The following LAMA3 variants were observed in gnomAD, a reference collection of about 807,000 sequenced individuals.
LAMA3 encodes laminin subunit alpha-3.
In LAMA3, 281 loss-of-function variants were observed where a neutral mutation model predicts 402.0. That is an observed-to-expected ratio of 0.70 (90% CI 0.63 to 0.77). The LOEUF is 0.77. Among genes scored for constraint, LAMA3 ranks in the 30% least tolerant of loss-of-function variants. The pLI is 0.00. For missense variants in LAMA3, 3,840 were observed against 4,215.5 expected (o/e 0.91, Z 2.47); for synonymous variants, 1,431 against 1,558.4 (o/e 0.92, Z 1.93).
At chr18:23,783,624 A>G (rs1478599541) in intron 11 of LAMA3, among the ~76,000 whole-genome samples, 2 of 152,234 alleles carry the variant, frequency 1.3e-5, no homozygotes, top group African/African-American at 4.8e-5. Flanking sequence ...GATATGTAGT[A>G]GGGCTGAATT....
intron 8 of LAMA3, among the ~76,000 whole-genome samples, chr18:23,773,218 A>C (rs2062239388): frequency 6.6e-6 from 1 of 152,256 alleles, no homozygotes; most frequent in African/African-American, 2.4e-5. Context: ...TGCTTCATTA[A>C]AGCAAATTCT....
intron 52 of LAMA3, among the ~76,000 whole-genome samples, chr18:23,906,062 G>T (rs2081239864): frequency 6.6e-6 from 1 of 152,074 alleles, no homozygotes; most frequent in African/African-American, 2.4e-5. Flanking sequence ...ACCATGCCGG[G>T]CCCAGATAAT....
chr18:23,713,613 G>A (rs1049994461), intron 1 of LAMA3, among the ~76,000 whole-genome samples: 3 of 152,194 alleles, frequency 2.0e-5, no homozygotes, highest in African/African-American at 7.2e-5. Context: ...AATACAACAG[G>A]CTCTTCTTGA....
At chr18:23,775,190 A>G (rs570963588) in intron 9 of LAMA3, among the ~76,000 whole-genome samples, 3 of 152,354 alleles carry the variant, frequency 2.0e-5, no homozygotes, top group Admixed American at 2.0e-4. Context: ...TGGGAGGTCG[A>G]CAATCTTCTT....
At chr18:23,762,250 G>A (rs986052975) in intron 7 of LAMA3, among the ~76,000 whole-genome samples, 1 of 152,028 alleles carries the variant, frequency 6.6e-6, no homozygotes, top group Non-Finnish European at 1.5e-5. Flanking sequence ...TATTCAAGTT[G>A]TTGACCTAAA....
Position 23,916,535 on chromosome 18 carries a change from T to C in LAMA3, c.7779-16T>C. Reference sequence around the variant, plus strand: ...TTTGCTGCTGTGTTCTAATTTATGATGATTAATGTTGACAGGAGGAAGGAA... The same window carrying C: ...TTTGCTGCTGTGTTCTAATTTATGACGATTAATGTTGACAGGAGGAAGGAA... On this transcript the variant is annotated splice_polypyrimidine_tract_variant and intron_variant, in intron 59 of 74. Transcript: ENST00000313654. 6.2e-7 allele frequency: 1 copy of C among 1,613,850 alleles called. No homozygotes were observed. The highest frequency in any genetic ancestry group is 8.5e-7 in the Non-Finnish European group (1 of 1,179,702).
intron 44 of LAMA3, 100 bp downstream of exon 44, chr18:23,895,158 C>G: frequency 1.5e-6 from 2 of 1,358,648 alleles, no homozygotes; most frequent in South Asian, 2.5e-5. Flanking sequence ...TGGAAAGGCT[C>G]AGGGGTTGTC....
intron 60 of LAMA3, among the ~76,000 whole-genome samples, chr18:23,917,305 G>C (rs186408210): frequency 6.6e-6 from 1 of 152,050 alleles, no homozygotes; most frequent in African/African-American, 2.4e-5. Context: ...TGTCTTTGCC[G>C]TTGTGAATAG....
intron 2 of LAMA3, among the ~76,000 whole-genome samples, chr18:23,735,470 C>T (rs2061458482): frequency 6.6e-6 from 1 of 152,106 alleles, no homozygotes; most frequent in Non-Finnish European, 1.5e-5. Flanking sequence ...TGAGCTGTGC[C>T]TGTCTCTTGT....
intron 68 of LAMA3, among the ~76,000 whole-genome samples, chr18:23,939,814 G>A (rs974022325): frequency 1.4e-4 from 21 of 152,100 alleles, no homozygotes; most frequent in African/African-American, 4.8e-4. Context: ...GCCTTTTTGC[G>A]CTAACAAGTT....
intron 30 of LAMA3, 54 bp from the exon 31 acceptor site, chr18:23,846,243 C>T (rs2063811894): frequency 1.3e-6 from 2 of 1,560,938 alleles, no homozygotes; most frequent in African/African-American, 1.4e-5. Flanking sequence ...AGGTTGAGGC[C>T]ACTCCCATAC....
chr18:23,699,217 A>G lies in LAMA3; in HGVS notation c.294+9240A>G, dbSNP rs2060747395. On this transcript the variant is annotated intron_variant, in intron 1 of 74. Transcript: ENST00000313654. ...CTTGGTGTGTTCCAGGAACTCAGAA[A>G]GCCACATGACTGTTGTTGTTACACG... 2.0e-5 allele frequency among the ~76,000 whole-genome samples: 3 copies of G among 152,222 alleles called. No individual in the cohort carries two copies. The South Asian group carries it at 6.2e-4, about 31-fold the overall frequency.
intron 72 of LAMA3, 151 bp downstream of exon 72, chr18:23,950,310 CA>C: frequency 1.2e-6 from 1 of 869,150 alleles, no homozygotes; most frequent in South Asian, 1.6e-5. Context: ...TTTCCTTTAG[CA>C]AGTAATTTTA....
chr18:23,847,104 GCACA>G (rs2063833658), intron 31 of LAMA3, among the ~76,000 whole-genome samples: 1 of 152,218 alleles, frequency 6.6e-6, no homozygotes, highest in African/African-American at 2.4e-5. Flanking sequence ...GGCTCTGGAC[GCACA>G]GGGTACTGGG....
intron 66 of LAMA3, chr18:23,932,557 C>T (rs1315184691): frequency 4.1e-5 from 16 of 390,262 alleles, no homozygotes; most frequent in Admixed American, 1.9e-4. Context: ...GATTATGGCC[C>T]GGAAAAGTAT....
intron 56 of LAMA3, 132 bp from the exon 57 acceptor site, chr18:23,914,278 C>A: frequency 1.2e-6 from 1 of 867,072 alleles, no homozygotes; most frequent in Non-Finnish European, 1.9e-6. Flanking sequence ...AATATTGCAC[C>A]TTGTTTATTC....
chr18:23,876,429 T>C (rs2064715639), intron 39 of LAMA3, 22 bp downstream of exon 39: 1 of 1,449,052 alleles, frequency 6.9e-7, no homozygotes, highest in South Asian at 1.1e-5. Flanking sequence ...GACACTTTAA[T>C]GCTATCAGCA....
chr18:23,719,121 T>C (rs2061164110), intron 2 of LAMA3, among the ~76,000 whole-genome samples: 1 of 152,238 alleles, frequency 6.6e-6, no homozygotes, highest in South Asian at 2.1e-4. Context: ...TTTGTGCTTC[T>C]TGAGGTCAAC....
chr18:23,709,789 T>C (rs546929325), intron 1 of LAMA3: 9 of 614,990 alleles, frequency 1.5e-5, no homozygotes, highest in East Asian at 3.7e-5. Context: ...TTCTTTCTTT[T>C]TTTCTGGTGA....
Sources: gnomAD v4.1 joint callset for allele counts (sites outside exome capture counted in the v4.1 genomes callset) on GRCh38, gnomAD v4.1.1 for gene constraint, MANE v1.5 for transcripts, NCBI Gene and HGNC (gene_info 2026-07-23, HGNC 2026-07-21) for gene names.